CACNA1C: variants seen among roughly 807,000 people sequenced by gnomAD.
The protein encoded by CACNA1C is calcium voltage-gated channel subunit alpha1 C, also known as voltage-dependent L-type calcium channel subunit alpha-1C.
A neutral mutation model predicts 229.0 loss-of-function variants in CACNA1C; 30 were observed. The ratio of observed to expected loss-of-function variants is 0.13; its 90% confidence interval spans 0.10 to 0.18. CACNA1C has a LOEUF of 0.18. Ranked by LOEUF, CACNA1C falls within the 10% of genes least tolerant of loss-of-function variation. The pLI is 1.00. For synonymous variants in CACNA1C, 1,114 were observed against 1,132.5 expected (o/e 0.98, Z 0.33); for missense variants, 1,658 against 2,845.0 (o/e 0.58, Z 9.49).
chr12:2,099,848 C>T (rs940624683), intron 1 of CACNA1C, among the ~76,000 whole-genome samples: 3 of 152,092 alleles, frequency 2.0e-5, no homozygotes, highest in Non-Finnish European at 4.4e-5. Flanking sequence ...CAGCTCCTTG[C>T]AGCTCTGTCC....
At chr12:2,525,163 C>T (rs1057350434) in intron 9 of CACNA1C, among the ~76,000 whole-genome samples, 1 of 151,900 alleles carries the variant, frequency 6.6e-6, no homozygotes, top group African/African-American at 2.4e-5. Context: ...GAGGAGCCAC[C>T]GAAGAGATTT....
chr12:2,572,320 C>CCTT (rs2055120656), intron 13 of CACNA1C, among the ~76,000 whole-genome samples: 4 of 129,852 alleles, frequency 3.1e-5, no homozygotes, highest in Non-Finnish European at 5.0e-5. Context: ...TCCTCCTCCT[C>CCTT]TTCCTCCTCC....
At chr12:2,270,566 T>G (rs2084463727) in intron 3 of CACNA1C, among the ~76,000 whole-genome samples, 1 of 152,092 alleles carries the variant, frequency 6.6e-6, no homozygotes, top group African/African-American at 2.4e-5. Context: ...GCCACAGCAC[T>G]CCAGACGTGG....
chr12:2,115,754 G>A (rs889366464), intron 2 of CACNA1C, among the ~76,000 whole-genome samples: 3 of 152,256 alleles, frequency 2.0e-5, no homozygotes, highest in African/African-American at 7.2e-5. Flanking sequence ...TGGGGACGGG[G>A]CCCAGCAATC....
At chr12:2,149,095 G>A (rs2094988680) in intron 3 of CACNA1C, among the ~76,000 whole-genome samples, 1 of 152,186 alleles carries the variant, frequency 6.6e-6, no homozygotes, top group Non-Finnish European at 1.5e-5. Flanking sequence ...AGGAAACCTT[G>A]CAAGATGACA....
chr12:2,004,461 G>T, intron 1 of CACNA1C: 1 of 1,585,460 alleles, frequency 6.3e-7, no homozygotes, highest in Non-Finnish European at 8.6e-7. Flanking sequence ...TAGGCACGGG[G>T]CTCTTGGAAG....
intron 1 of CACNA1C, among the ~76,000 whole-genome samples, chr12:1,983,225 G>GTT (rs57856032): frequency 0.034 from 5,133 of 150,916 alleles, 256 homozygotes; most frequent in African/African-American, 0.1. Context: ...TCTCTAAACA[G>GTT]TTTTTTTGTT....
chr12:2,342,123 C>T (rs1289996701), intron 3 of CACNA1C, among the ~76,000 whole-genome samples: 1 of 152,184 alleles, frequency 6.6e-6, no homozygotes, highest in Non-Finnish European at 1.5e-5. Flanking sequence ...CACTTAAAAA[C>T]CCTCCTTAGG....
chr12:2,231,438 A>G (rs1181120420), intron 3 of CACNA1C, among the ~76,000 whole-genome samples: 1 of 152,226 alleles, frequency 6.6e-6, no homozygotes, highest in Non-Finnish European at 1.5e-5. Flanking sequence ...ATGGTTTTCA[A>G]AATGCTTCCG....
intron 1 of CACNA1C, among the ~76,000 whole-genome samples, chr12:2,082,159 C>T (rs770992295): frequency 1.3e-5 from 2 of 152,256 alleles, no homozygotes; most frequent in African/African-American, 2.4e-5. Context: ...GCACCTTGCT[C>T]GTGTCACATG....
At chr12:2,002,518 T>C (rs2042403840) in intron 1 of CACNA1C, among the ~76,000 whole-genome samples, 1 of 152,240 alleles carries the variant, frequency 6.6e-6, no homozygotes, top group Non-Finnish European at 1.5e-5. Context: ...ACATCTGCTT[T>C]TTGATGAGGC....
chr12:2,480,536 T>C (rs2099671577), intron 5 of CACNA1C, among the ~76,000 whole-genome samples: 3 of 152,240 alleles, frequency 2.0e-5, no homozygotes, highest in Admixed American at 2.0e-4. Flanking sequence ...TTCCCATCTC[T>C]AGCACGCAAG....
At chr12:2,532,774 TAA>T (rs1478729139) in intron 9 of CACNA1C, among the ~76,000 whole-genome samples, 1 of 152,088 alleles carries the variant, frequency 6.6e-6, no homozygotes, top group African/African-American at 2.4e-5. Context: ...TCCTAGAATT[TAA>T]GACTCAGAAG....
intron 9 of CACNA1C, 74 bp downstream of exon 9, chr12:2,513,058 C>A (rs2099788251): frequency 1.4e-5 from 18 of 1,253,402 alleles, no homozygotes; most frequent in Non-Finnish European, 2.0e-5. Context: ...CAGCACAGAA[C>A]TTTGACCGCC....
intron 3 of CACNA1C, among the ~76,000 whole-genome samples, chr12:2,360,009 G>C (rs2097510812): frequency 6.6e-6 from 1 of 152,140 alleles, no homozygotes; most frequent in Non-Finnish European, 1.5e-5. Flanking sequence ...CTTGTCCTCA[G>C]ATAGTAGCGA....
intron 19 of CACNA1C, among the ~76,000 whole-genome samples, chr12:2,594,457 T>C (rs1481120026): frequency 5.9e-5 from 9 of 152,248 alleles, no homozygotes; most frequent in Non-Finnish European, 1.3e-4. Context: ...TATTTTCAAC[T>C]TAATCTATAT....
At chr12:2,335,259 A>G (rs1044975554) in intron 3 of CACNA1C, among the ~76,000 whole-genome samples, 4 of 152,176 alleles carry the variant, frequency 2.6e-5, no homozygotes, top group South Asian at 2.1e-4. Context: ...TTTATGATCC[A>G]TAACTCAGTG....
chr12:2,466,510 T>C (rs1446442791), intron 5 of CACNA1C, among the ~76,000 whole-genome samples: 2 of 152,208 alleles, frequency 1.3e-5, no homozygotes, highest in East Asian at 3.8e-4. Flanking sequence ...CCAGAGAAGA[T>C]CCCAGAGTCA....
chr12:2,517,757 G>A (rs1186730812), intron 9 of CACNA1C, among the ~76,000 whole-genome samples: 2 of 152,168 alleles, frequency 1.3e-5, no homozygotes, highest in Non-Finnish European at 2.9e-5. Context: ...CTGCTCAAAG[G>A]GACAGGGCTC....
Sources: allele counts gnomAD v4.1 joint callset (sites outside exome capture counted in the v4.1 genomes callset), GRCh38; gene constraint gnomAD v4.1.1; transcripts MANE v1.5; gene names NCBI Gene and HGNC (gene_info 2026-07-23, HGNC 2026-07-21).